Variants in FOCAD observed in about 807,000 individuals in gnomAD.
FOCAD encodes the protein KIAA1797.
In FOCAD, 198 loss-of-function variants were observed where a neutral mutation model predicts 225.6. The ratio of observed to expected loss-of-function variants is 0.88; its 90% CI spans 0.78 to 0.99. FOCAD has a LOEUF of 0.99. FOCAD is among the 50% of genes least tolerant of loss of function. FOCAD has a pLI of 0.00. For missense variants in FOCAD, 2,713 were observed against 2,123.6 expected, an observed-to-expected ratio of 1.28 and a Z score of -5.46; for synonymous variants, 897 against 755.0, an observed-to-expected ratio of 1.19 and a Z score of -3.08.
At chr9:20,688,964 G>A (rs146106433) in intron 1 of FOCAD, among the ~76,000 whole-genome samples, 90 of 152,330 alleles carry the variant, frequency 5.9e-4, no homozygotes, top group Admixed American at 1.2e-3. Context: ...CGTGCGTATG[G>A]TAAGATTGCA....
At chr9:20,850,933 C>T (rs1412173133) in intron 15 of FOCAD, among the ~76,000 whole-genome samples, 3 of 150,062 alleles carry the variant, frequency 2.0e-5, no homozygotes, top group Non-Finnish European at 4.5e-5. Flanking sequence ...CTAAGGTCCT[C>T]GAAGATAGAA....
intron 1 of FOCAD, among the ~76,000 whole-genome samples, chr9:20,708,746 A>G (rs944046208): frequency 3.4e-5 from 5 of 146,268 alleles, no homozygotes; most frequent in South Asian, 2.3e-4. Context: ...ACTGTACTCC[A>G]GCTTGAGTGA....
chr9:20,695,552 A>G (rs772028341), intron 1 of FOCAD, among the ~76,000 whole-genome samples: 2 of 152,176 alleles, frequency 1.3e-5, no homozygotes, highest in Non-Finnish European at 2.9e-5. Flanking sequence ...ATACACGTAC[A>G]CAGTCTTCAG....
chr9:20,812,377 A>G (rs1823178249), intron 11 of FOCAD, among the ~76,000 whole-genome samples: 1 of 152,074 alleles, frequency 6.6e-6, no homozygotes, highest in African/African-American at 2.4e-5. Flanking sequence ...GAATAGTAAC[A>G]AAGCCCTTTT....
chr9:20,852,534 A>G (rs932414390), intron 15 of FOCAD, among the ~76,000 whole-genome samples: 1 of 151,650 alleles, frequency 6.6e-6, no homozygotes, highest in East Asian at 1.9e-4. Flanking sequence ...TGTTTCAGGA[A>G]CTCTCAACAT....
chr9:20,820,463 G>A (rs1285148629), intron 13 of FOCAD, 38 bp downstream of exon 13: 8 of 1,534,800 alleles, frequency 5.2e-6, no homozygotes, highest in African/African-American at 1.4e-5. Context: ...TATTAAATAT[G>A]TTCCTTTCAC....
At position 20,948,249 on chromosome 9, in the gene FOCAD, C is replaced by T. The variant is rs757664541; in HGVS notation, c.3676-22C>T. 3.2e-6 allele frequency: 5 copies of T among 1,567,284 alleles called. No homozygotes were observed. The Admixed American group carries it at 7.6e-5, about 24-fold the overall frequency. On this transcript the variant is annotated intron_variant, in intron 30 of 43. Transcript: ENST00000338382. ...TCTTTTTTTTTTCTTTTTCTTACCCCATTTTTATTTATTTATATCAGACTT... is the reference window on the plus strand; with the variant it reads ...TCTTTTTTTTTTCTTTTTCTTACCCTATTTTTATTTATTTATATCAGACTT...
chr9:20,658,898 A>T (rs1587164811), intron 2 of FOCAD: 1 of 152,432 alleles, frequency 6.6e-6, no homozygotes, highest in South Asian at 2.1e-4. Context: ...CTAGTACCTC[A>T]GAATGTGACT....
intron 25 of FOCAD, among the ~76,000 whole-genome samples, chr9:20,925,922 A>G (rs10964759): frequency 0.062 from 9,380 of 152,266 alleles, 475 homozygotes; most frequent in East Asian, 0.23. Context: ...TCAAATAAGA[A>G]GTCATAGAAA....
chr9:20,715,979 A>T (rs961042315), intron 2 of FOCAD: 1 of 248,098 alleles, frequency 4.0e-6, no homozygotes, highest in African/African-American at 2.2e-5. Flanking sequence ...AGGTATCATA[A>T]TAGCTTATTG....
At chr9:20,715,672 G>A (rs1221058769) in intron 2 of FOCAD, among the ~76,000 whole-genome samples, 3 of 151,766 alleles carry the variant, frequency 2.0e-5, no homozygotes, top group Admixed American at 2.0e-4. Flanking sequence ...TAACTAGTAG[G>A]CCCCTGAATA....
At chr9:20,920,744 A>G (rs1378147914) in intron 24 of FOCAD, among the ~76,000 whole-genome samples, 3 of 151,686 alleles carry the variant, frequency 2.0e-5, no homozygotes, top group Non-Finnish European at 2.9e-5. Flanking sequence ...GTTCTTACTC[A>G]TAGGTGGGAA....
At chr9:20,737,129 A>T (rs927082967) in intron 4 of FOCAD, among the ~76,000 whole-genome samples, 1 of 152,176 alleles carries the variant, frequency 6.6e-6, no homozygotes, top group Admixed American at 6.5e-5. Flanking sequence ...TATCTACACA[A>T]TAAAATCTGG....
chr9:20,677,364 G>C (rs1432056644), intron 2 of FOCAD, among the ~76,000 whole-genome samples: 3 of 152,148 alleles, frequency 2.0e-5, no homozygotes, highest in Non-Finnish European at 4.4e-5. Flanking sequence ...AGCAAAAATA[G>C]ACAGGTGGGA....
At chr9:20,894,443 A>C (rs1356845474) in intron 21 of FOCAD, among the ~76,000 whole-genome samples, 2 of 152,058 alleles carry the variant, frequency 1.3e-5, no homozygotes, top group Non-Finnish European at 1.5e-5. Flanking sequence ...TTTTGGTAAA[A>C]AATGGCCAAA....
chr9:20,935,170 T>C (rs1302083712), intron 28 of FOCAD, among the ~76,000 whole-genome samples: 1 of 152,216 alleles, frequency 6.6e-6, no homozygotes, highest in Non-Finnish European at 1.5e-5. Context: ...TTGAATTCCT[T>C]TGCAGAGAGT....
intron 11 of FOCAD, among the ~76,000 whole-genome samples, chr9:20,807,629 T>G (rs1416335298): frequency 6.6e-6 from 1 of 152,234 alleles, no homozygotes; most frequent in Non-Finnish European, 1.5e-5. Flanking sequence ...CTGTACATCT[T>G]GATTCAGAGT....
rs767798738 is a variant in FOCAD, at chr9:20,770,192, C to T, written c.860C>T (p.Ser287Leu). Residue 287 changes from serine to leucine, a missense_variant, in exon 8 of 44, where the codon TCA (serine) becomes TTA (leucine). Coordinates refer to ENST00000338382, the MANE Select transcript of FOCAD (RefSeq NM_001375567.1). Reference sequence around the variant, plus strand: ...AGCTTAAAGATAACTGGTGAATGTTCATCTTCAATTCACCTTTTAGAGCAC... The same window carrying T: ...AGCTTAAAGATAACTGGTGAATGTTTATCTTCAATTCACCTTTTAGAGCAC... Reference protein sequence around the residue: ...EVSLKITGECSSSIHLLEHSV... With the variant: ...EVSLKITGECLSSIHLLEHSV... 1 of 1,614,002 alleles carries T rather than the reference C, an allele frequency of 6.2e-7. No individual in the cohort carries two copies.
At position 20,689,305 on chromosome 9, in the gene FOCAD, C is replaced by T. The variant is rs555613209; in HGVS notation, c.-33+5012C>T. ...CTGGTGGTGCATTCGATGAATTGCT[C>T]ACCCAGATGACTGTAGATGACTGTG... On this transcript the variant is annotated intron_variant, in intron 1 of 43. Coordinates refer to ENST00000338382, the MANE Select transcript of FOCAD (RefSeq NM_001375567.1). 3.2e-4 allele frequency among the ~76,000 whole-genome samples: 49 copies of T among 152,214 alleles called. 1 individual carries two copies. The highest frequency in any genetic ancestry group is 6.0e-4 in the Non-Finnish European group (41 of 68,024).
Sources: gnomAD v4.1 joint callset for allele counts (sites outside exome capture counted in the v4.1 genomes callset) on GRCh38, gnomAD v4.1.1 for gene constraint, MANE v1.5 for transcripts, NCBI Gene and HGNC (gene_info 2026-07-23, HGNC 2026-07-21) for gene names.